The following PTPRT variants were observed in gnomAD, a reference collection of about 807,000 sequenced individuals.
PTPRT encodes receptor-type tyrosine-protein phosphatase T.
A neutral mutation model predicts 176.8 loss-of-function variants in PTPRT; 56 were observed. That is an observed-to-expected ratio of 0.32 (90% CI 0.26 to 0.40). The LOEUF is 0.40. Ranked by LOEUF, PTPRT falls within the 10% of genes least tolerant of loss-of-function variation. The pLI is 1.00. For missense variants in PTPRT, 1,540 were observed against 1,908.2 expected, an observed-to-expected ratio of 0.81 and a Z score of 3.60; for synonymous variants, 783 against 739.0, an observed-to-expected ratio of 1.06 and a Z score of -0.96.
chr20:43,089,109 C>T (rs2011721350), intron 1 of PTPRT, among the ~76,000 whole-genome samples: 1 of 152,128 alleles, frequency 6.6e-6, no homozygotes, highest in African/African-American at 2.4e-5. Context: ...ATATGCATTA[C>T]TTATTTATTG....
At chr20:42,053,434 C>T in the PTPRT span, among the ~76,000 whole-genome samples, 1 of 152,196 alleles carries the variant, frequency 6.6e-6, no homozygotes, top group East Asian at 1.9e-4. Context: ...CCTCTGGGGA[C>T]CCTCCCTGGA....
At chr20:42,780,019 C>T (rs2077191984) in intron 4 of PTPRT, among the ~76,000 whole-genome samples, 199 bp downstream of exon 4, 1 of 152,156 alleles carries the variant, frequency 6.6e-6, no homozygotes, top group Non-Finnish European at 1.5e-5. Flanking sequence ...CCTGGAGGTG[C>T]TGCCTGTTGA....
intron 1 of PTPRT, among the ~76,000 whole-genome samples, chr20:42,918,690 AGAAG>A (rs1978944489): frequency 6.6e-6 from 1 of 152,180 alleles, no homozygotes; most frequent in Non-Finnish European, 1.5e-5. Flanking sequence ...TCTCTAGTTT[AGAAG>A]GAAGGGAGAC....
intron 3 of PTPRT, among the ~76,000 whole-genome samples, chr20:42,790,819 CGAG>C (rs1279602695): frequency 1.3e-5 from 2 of 152,146 alleles, no homozygotes; most frequent in African/African-American, 4.8e-5. Flanking sequence ...TGATCTTTTA[CGAG>C]TTATTTCATC....
Position 42,115,315 on chromosome 20 carries a change from C to T in PTPRT, c.2983G>A (p.Val995Met), listed in dbSNP as rs2146312563. Residue 995 changes from valine (V) to methionine (M), a missense_variant and splice_region_variant, in exon 22 of 31, where the codon GTG (valine) becomes ATG (methionine). Physicochemically the swap from Val to Met is conservative, Grantham distance 21 (BLOSUM62 1). Coordinates refer to ENST00000373187, the MANE Select transcript of PTPRT (RefSeq NM_007050.6). The part of the protein sequence containing the change: ...MVTNLVEVGR[V>M]KCVRYWPDDT... ...TCTGGCCAGTATCGCACACATTTCA[C>T]CTGTGGCCAAGTGAGAGACAGAGAC... 6.2e-7 allele frequency: 1 copy of T among 1,611,792 alleles called. No homozygotes were observed. The highest frequency in any genetic ancestry group is 8.5e-7 in the Non-Finnish European group (1 of 1,177,952).
intron 12 of PTPRT, among the ~76,000 whole-genome samples, chr20:42,286,065 T>A (rs2057225862): frequency 6.6e-6 from 1 of 151,790 alleles, no homozygotes; most frequent in Non-Finnish European, 1.5e-5. Flanking sequence ...AAACCAAAAA[T>A]ACTGTTGAAA....
chr20:42,428,650 T>C lies in PTPRT; in HGVS notation c.1560+19570A>G, dbSNP rs1056971935. On this transcript the variant is annotated intron_variant, in intron 9 of 30. Coordinates refer to ENST00000373187, the MANE Select transcript of PTPRT (RefSeq NM_007050.6). ...GGGAAGGATGGGCTCTGAATATGTC[T>C]ACTCAGTTGCAGGAATGTTCAGGTT... Among the ~76,000 whole-genome samples the C allele has an allele frequency of 4.6e-5, 7 of 152,332 alleles. No homozygotes were observed. In the South Asian group the frequency reaches 1.4e-3, roughly 32 times the overall value.
At chr20:42,072,498 A>G (rs1350723835), downstream of PTPRT, among the ~76,000 whole-genome samples, 2 of 152,228 alleles carry the variant, frequency 1.3e-5, no homozygotes, top group African/African-American at 4.8e-5. Context: ...TTCTCATGCC[A>G]CTGCTCTATG....
intron 14 of PTPRT, among the ~76,000 whole-genome samples, chr20:42,241,082 G>C (rs953207975): frequency 6.6e-6 from 1 of 152,306 alleles, no homozygotes; most frequent in Middle Eastern, 3.4e-3. Context: ...TTATATAGTT[G>C]TTAAGTGGCA....
intron 1 of PTPRT, among the ~76,000 whole-genome samples, chr20:43,027,538 G>T (rs1323816370): frequency 6.6e-6 from 1 of 151,744 alleles, no homozygotes; most frequent in Admixed American, 6.6e-5. Context: ...CTTATGAGAA[G>T]AAGAAATTTG....
At chr20:42,769,124 T>G (rs1437798018) in intron 5 of PTPRT, among the ~76,000 whole-genome samples, 1 of 152,204 alleles carries the variant, frequency 6.6e-6, no homozygotes, top group Non-Finnish European at 1.5e-5. Context: ...AGGTTTCTTA[T>G]GCTCTCCTGT....
At chr20:42,356,924 G>A (rs1298863035) in intron 9 of PTPRT, among the ~76,000 whole-genome samples, 2 of 152,068 alleles carry the variant, frequency 1.3e-5, no homozygotes, top group East Asian at 1.9e-4. Flanking sequence ...CCTGGGCCCC[G>A]TCTTCCTTCC....
chr20:42,892,830 C>A (rs959416975), intron 1 of PTPRT, among the ~76,000 whole-genome samples: 4 of 152,222 alleles, frequency 2.6e-5, no homozygotes, highest in Non-Finnish European at 5.9e-5. Context: ...GGGTCTCTTT[C>A]CTCAGAGTCT....
chr20:42,464,835 T>G (rs986563972), intron 8 of PTPRT, among the ~76,000 whole-genome samples: 2 of 152,160 alleles, frequency 1.3e-5, no homozygotes, highest in Admixed American at 6.5e-5. Flanking sequence ...TTACTACAGA[T>G]GTACTCATCC....
In PTPRT at chr20:43,144,640, G is replaced by A. The variant is rs1444337487; in HGVS notation, c.88+45006C>T. Reference sequence around the variant, plus strand: ...GGCAAATCCATAGCGACAGAAAGGAGGTTAACGGTTGCCTGGGGCTGGAGG... The same window carrying A: ...GGCAAATCCATAGCGACAGAAAGGAAGTTAACGGTTGCCTGGGGCTGGAGG... On this transcript the variant is annotated intron_variant, in intron 1 of 30. Transcript: ENST00000373187. 1.5e-4 allele frequency among the ~76,000 whole-genome samples: 23 copies of A among 152,188 alleles called. 1 individual carries two copies. The highest frequency in any genetic ancestry group is 1.5e-3 in the Admixed American group (23 of 15,272).
chr20:42,696,519 G>T (rs959486089), intron 6 of PTPRT, among the ~76,000 whole-genome samples: 5 of 150,372 alleles, frequency 3.3e-5, no homozygotes, highest in Non-Finnish European at 3.0e-5. Context: ...GCAGTGGCAT[G>T]ATCTCGGCTC....
intron 7 of PTPRT, among the ~76,000 whole-genome samples, chr20:42,627,875 T>C (rs10485695): frequency 0.15 from 22,074 of 152,162 alleles, 1,701 homozygotes; most frequent in Middle Eastern, 0.24. Flanking sequence ...TTTCTAAGGA[T>C]GATCAGTAAC....
At chr20:42,713,196 T>C (rs1171451428) in intron 6 of PTPRT, among the ~76,000 whole-genome samples, 1 of 151,620 alleles carries the variant, frequency 6.6e-6, no homozygotes. Flanking sequence ...GTAACATTGG[T>C]AATCTCCAGG....
chr20:43,017,859 C>T (rs1229858287), intron 1 of PTPRT, among the ~76,000 whole-genome samples: 1 of 152,180 alleles, frequency 6.6e-6, no homozygotes, highest in East Asian at 1.9e-4. Context: ...TGAGGCAGTG[C>T]GCAGAGCAAG....
Sources: gnomAD v4.1 joint callset for allele counts (sites outside exome capture counted in the v4.1 genomes callset) on GRCh38, gnomAD v4.1.1 for gene constraint, MANE v1.5 for transcripts, NCBI Gene and HGNC (gene_info 2026-07-23, HGNC 2026-07-21) for gene names.